The following LARGE1 variants were observed in gnomAD, a reference collection of about 807,000 sequenced individuals.
LARGE1 encodes xylosyl- and glucuronyltransferase LARGE1.
LARGE1 carries 43 observed loss-of-function variants against 87.6 expected under a neutral mutation model. That is an observed-to-expected ratio of 0.49 (90% CI 0.38 to 0.63). The LOEUF (loss-of-function observed/expected upper bound fraction) is 0.63. LARGE1 is among the 30% of genes least tolerant of loss of function. LARGE1 has a pLI of 0.00. For synonymous variants in LARGE1, 434 were observed against 394.6 expected (o/e 1.10, Z -1.18); for missense variants, 802 against 1,000.2 (o/e 0.80, Z 2.67).
chr22:33,329,025 G>C (rs976537179), intron 10 of LARGE1, among the ~76,000 whole-genome samples: 8 of 152,108 alleles, frequency 5.3e-5, no homozygotes, highest in African/African-American at 1.9e-4. Flanking sequence ...CTAGAGGCAA[G>C]CAGAGAAAGG....
intron 1 of LARGE1, among the ~76,000 whole-genome samples, chr22:33,907,193 C>G (rs576380520): frequency 6.6e-5 from 10 of 152,286 alleles, no homozygotes; most frequent in African/African-American, 2.4e-4. Context: ...GCTCCTCTGT[C>G]ACTCCTCTGT....
intron 11 of LARGE1, among the ~76,000 whole-genome samples, chr22:33,195,748 T>TC (rs1333425993): frequency 4.1e-5 from 4 of 98,752 alleles, no homozygotes; most frequent in African/African-American, 1.3e-4. Flanking sequence ...ATTTCTTTTT[T>TC]CTTTTTTCTT....
chr22:33,603,142 T>A (rs1353486549), intron 5 of LARGE1, among the ~76,000 whole-genome samples: 4 of 152,198 alleles, frequency 2.6e-5, no homozygotes, highest in African/African-American at 4.8e-5. Context: ...ATTCTGAACA[T>A]CTCCATCAAC....
Position 33,337,736 on chromosome 22 carries a change from G to A in LARGE1, c.1197C>T (p.Asn399=), listed in dbSNP as rs762700138. ...VKNKHVEFFR[N]LYLTFLEYDG... ...CATACTCCAGGAAGGTCAGGTAGAG[G>A]TTGCGAAAAAACTCCACATGCTTGT... Residue 399 remains asparagine, a synonymous_variant, in exon 10 of 15, where the codon AAC becomes AAT. Coordinates refer to ENST00000397394, the MANE Select transcript of LARGE1 (RefSeq NM_133642.5). 1.9e-6 allele frequency: 3 copies of A among 1,614,166 alleles called. No homozygotes were observed. The South Asian group carries it at 3.3e-5, about 18-fold the overall frequency.
the LARGE1 span, among the ~76,000 whole-genome samples, chr22:33,085,546 G>T: frequency 1.3e-5 from 2 of 151,950 alleles, no homozygotes; most frequent in African/African-American, 4.8e-5. Flanking sequence ...GGTTCAAAAG[G>T]GTATTGCAAA....
In LARGE1 at chr22:33,640,798, A is replaced by G. The variant is rs191930701; in HGVS notation, c.408+9569T>C. 1.4e-3 allele frequency among the ~76,000 whole-genome samples: 208 copies of G among 152,224 alleles called. 1 individual carries two copies. Among genetic ancestry groups the G allele is most frequent in the African/African-American group, 4.7e-3 (197 of 41,548 alleles). On this transcript the variant is annotated intron_variant, in intron 3 of 14. Coordinates refer to ENST00000397394, the MANE Select transcript of LARGE1 (RefSeq NM_133642.5). Reference sequence around the variant, plus strand: ...CCTGAGTATGCGGTTTTCCCCTCACAGTGTTAATTGACTGTGCAGAACTCA... The same window carrying G: ...CCTGAGTATGCGGTTTTCCCCTCACGGTGTTAATTGACTGTGCAGAACTCA...
At chr22:33,499,663 G>C (rs552571629) in intron 6 of LARGE1, among the ~76,000 whole-genome samples, 1 of 141,286 alleles carries the variant, frequency 7.1e-6, no homozygotes, top group African/African-American at 2.7e-5. Context: ...ATATGGTAGA[G>C]ATTTTATTGA....
intron 6 of LARGE1, among the ~76,000 whole-genome samples, chr22:33,479,745 CTTTT>C (rs35004846): frequency 7.2e-6 from 1 of 139,080 alleles, no homozygotes; most frequent in Non-Finnish European, 1.6e-5. Context: ...AAAGTAATGA[CTTTT>C]TTTTTTTTTT....
intron 11 of LARGE1, among the ~76,000 whole-genome samples, chr22:33,266,208 G>C (rs952326268): frequency 4.9e-5 from 7 of 142,208 alleles, no homozygotes; most frequent in Non-Finnish European, 1.1e-4. Flanking sequence ...GCCTAGGTCT[G>C]ATTTTCAGGG....
intron 11 of LARGE1, among the ~76,000 whole-genome samples, chr22:33,255,128 G>A (rs1438014040): frequency 6.6e-6 from 1 of 151,976 alleles, no homozygotes; most frequent in Non-Finnish European, 1.5e-5. Context: ...CGCAGAGACG[G>A]GGTTTCACCA....
chr22:33,253,985 C>T (rs1927135563), intron 11 of LARGE1, among the ~76,000 whole-genome samples: 1 of 151,810 alleles, frequency 6.6e-6, no homozygotes, highest in Non-Finnish European at 1.5e-5. Context: ...TCCCAGCCTC[C>T]TTTTAGCAAG....
chr22:33,506,467 C>T lies in LARGE1; in HGVS notation c.787+58381G>A, dbSNP rs138619893. Among the ~76,000 whole-genome samples the T allele has an allele frequency of 4.9e-3, 749 of 152,250 alleles. 23 individuals are homozygous for T. Among genetic ancestry groups the T allele is most frequent in the Admixed American group, 0.046 (707 of 15,284 alleles). The stretch of plus-strand genomic sequence containing the variant: ...TGAACCCAGCATGTACAATTCCACC[C>T]GGGGAGGAGCTGAGAAAGGGGCATG... On this transcript the variant is annotated intron_variant, in intron 6 of 14. Transcript: ENST00000397394.
intron 1 of LARGE1, among the ~76,000 whole-genome samples, chr22:33,844,633 G>A (rs1032877022): frequency 2.0e-5 from 3 of 152,048 alleles, no homozygotes; most frequent in Non-Finnish European, 2.9e-5. Flanking sequence ...GGGGATTGGC[G>A]ACTTGCCTAC....
the LARGE1 span, among the ~76,000 whole-genome samples, chr22:33,096,435 G>C: frequency 2.0e-5 from 3 of 150,674 alleles, no homozygotes; most frequent in Non-Finnish European, 4.4e-5. Flanking sequence ...AAAAAAAAAG[G>C]ATATAATACC....
chr22:33,822,707 A>G (rs1568960138), intron 1 of LARGE1, among the ~76,000 whole-genome samples: 1 of 152,184 alleles, frequency 6.6e-6, no homozygotes, highest in Admixed American at 6.5e-5. Context: ...CAAAAAAGTA[A>G]TATGAATTAA....
intron 1 of LARGE1, among the ~76,000 whole-genome samples, chr22:33,882,735 G>A (rs1433421275): frequency 1.3e-5 from 2 of 152,130 alleles, no homozygotes; most frequent in African/African-American, 4.8e-5. Context: ...TTGATCATGG[G>A]ACAACAGGTA....
At chr22:33,098,827 G>A in the LARGE1 span, among the ~76,000 whole-genome samples, 5 of 152,098 alleles carry the variant, frequency 3.3e-5, no homozygotes, top group South Asian at 1.0e-3. Context: ...TTTCATGGCC[G>A]TGAAGAGGAC....
intron 11 of LARGE1, among the ~76,000 whole-genome samples, chr22:33,311,024 G>T (rs142721205): frequency 1.3e-5 from 2 of 151,204 alleles, no homozygotes; most frequent in Admixed American, 6.6e-5. Context: ...GCAGTGGCAC[G>T]ATCTCAGCTC....
intron 5 of LARGE1, among the ~76,000 whole-genome samples, chr22:33,585,784 T>G (rs1311013988): frequency 6.6e-6 from 1 of 152,196 alleles, no homozygotes; most frequent in East Asian, 1.9e-4. Flanking sequence ...GAGGAATCAC[T>G]GTAGCTGCAC....
Sources: gnomAD v4.1 joint callset for allele counts (sites outside exome capture counted in the v4.1 genomes callset) on GRCh38, gnomAD v4.1.1 for gene constraint, MANE v1.5 for transcripts, NCBI Gene and HGNC (gene_info 2026-07-23, HGNC 2026-07-21) for gene names.